Variants in OPN5 observed in about 807,000 individuals in gnomAD.
OPN5 encodes opsin-5.
Under a neutral mutation model 41.7 loss-of-function variants are expected in OPN5, and 18 were observed. The ratio of observed to expected loss-of-function variants is 0.43; its 90% CI spans 0.30 to 0.64. The LOEUF is 0.64. OPN5 is among the 30% of genes least tolerant of loss of function. OPN5 has a pLI of 0.13. For missense variants in OPN5, 318 were observed against 434.5 expected (o/e 0.73, Z 2.38); for synonymous variants, 178 against 164.3 (o/e 1.08, Z -0.64).
chr6:47,803,982 G>A (rs967649941), intron 4 of OPN5, among the ~76,000 whole-genome samples: 2 of 152,182 alleles, frequency 1.3e-5, no homozygotes, highest in African/African-American at 2.4e-5. Flanking sequence ...AGATGTATTA[G>A]ACCCAGAGGC....
chr6:47,824,095 A>G, exon 7 of OPN5: 1 of 859,652 alleles, frequency 1.2e-6, no homozygotes, highest in Non-Finnish European at 1.9e-6. Flanking sequence ...TCTCGCCTCC[A>G]CTCCACTTAC....
At chr6:47,782,507 T>A (rs532393403) in intron 1 of OPN5, among the ~76,000 whole-genome samples, 245 of 152,326 alleles carry the variant, frequency 1.6e-3, no homozygotes, top group African/African-American at 5.3e-3. Context: ...TTAATGATAA[T>A]GATATTTTAT....
At chr6:47,823,013 A>C (rs1762681141) in intron 6 of OPN5, among the ~76,000 whole-genome samples, 1 of 152,152 alleles carries the variant, frequency 6.6e-6, no homozygotes. Context: ...AATAGCATAA[A>C]ATCCTGCTGT....
chr6:47,819,990 C>T (rs970581999), intron 6 of OPN5, among the ~76,000 whole-genome samples: 4 of 152,126 alleles, frequency 2.6e-5, no homozygotes, highest in Admixed American at 6.5e-5. Context: ...ATACTACAGC[C>T]CTCTGGCCAA....
Position 47,797,328 on chromosome 6 carries a change from C to G in OPN5, c.756+1765C>G, listed in dbSNP as rs372731668. 8.8e-4 allele frequency among the ~76,000 whole-genome samples: 134 copies of G among 152,288 alleles called. 3 individuals carry two copies. In the South Asian group the frequency reaches 0.025, roughly 29 times the overall value. On this transcript the variant is annotated intron_variant, in intron 4 of 6. Transcript: ENST00000371211. ...CAGTTCTTGGACAAAAATGCAGACT[C>G]AGGAAGCATGAACTTCTTCTGTCTT...
chr6:47,809,596 A>G (rs1025922253), intron 5 of OPN5, among the ~76,000 whole-genome samples: 20 of 152,222 alleles, frequency 1.3e-4, no homozygotes, highest in African/African-American at 4.6e-4. Flanking sequence ...AATTAACTAC[A>G]TAGAGCCTAG....
At chr6:47,805,562 G>A (rs565516038) in intron 4 of OPN5, among the ~76,000 whole-genome samples, 7 of 152,050 alleles carry the variant, frequency 4.6e-5, no homozygotes, top group African/African-American at 1.4e-4. Flanking sequence ...CCACAGAGGC[G>A]GGTTCCTAGG....
chr6:47,785,211 T>C (rs1773165878), intron 1 of OPN5, among the ~76,000 whole-genome samples: 1 of 152,360 alleles, frequency 6.6e-6, no homozygotes, highest in Non-Finnish European at 1.5e-5. Context: ...AAGTTTATAC[T>C]TTTTCAAGCC....
chr6:47,825,744 T>G (rs939179089), downstream of OPN5: 1 of 152,108 alleles, frequency 6.6e-6, no homozygotes. Context: ...TATTCCCCTA[T>G]TTTTTCTGTA....
At chr6:47,786,410 C>A in intron 1 of OPN5, 105 bp from the exon 2 acceptor site, 1 of 839,910 alleles carries the variant, frequency 1.2e-6, no homozygotes, top group Non-Finnish European at 1.9e-6. Context: ...CCTCTCACTA[C>A]CCTCTAAATC....
exon 1 of OPN5, chr6:47,782,053 G>T: frequency 6.2e-7 from 1 of 1,611,420 alleles, no homozygotes; most frequent in African/African-American, 1.3e-5. Flanking sequence ...GATCCCTCGT[G>T]GTTCGAGAAC....
chr6:47,784,331 C>G (rs1773147890), intron 1 of OPN5, among the ~76,000 whole-genome samples: 1 of 151,230 alleles, frequency 6.6e-6, no homozygotes, highest in African/African-American at 2.4e-5. Flanking sequence ...GAGTCTCACT[C>G]TGTCACCCAG....
chr6:47,782,196 G>A, exon 1 of OPN5: 1 of 1,612,678 alleles, frequency 6.2e-7, no homozygotes, highest in Non-Finnish European at 8.5e-7. Flanking sequence ...AACAATAATT[G>A]GTAAGCTTCC....
intron 1 of OPN5, among the ~76,000 whole-genome samples, chr6:47,784,633 G>A (rs1345825268): frequency 6.6e-6 from 1 of 152,094 alleles, no homozygotes; most frequent in African/African-American, 2.4e-5. Flanking sequence ...TAAGGAGCCA[G>A]AGTGGAATAA....
chr6:47,786,757 C>A, intron 2 of OPN5, 123 bp downstream of exon 2: 2 of 836,678 alleles, frequency 2.4e-6, no homozygotes, highest in Non-Finnish European at 1.8e-6. Flanking sequence ...CTCTTCGCTT[C>A]ACAAATCAAC....
chr6:47,792,861 C>A (rs1179878918), intron 3 of OPN5, among the ~76,000 whole-genome samples: 1 of 148,596 alleles, frequency 6.7e-6, no homozygotes, highest in Non-Finnish European at 1.5e-5. Context: ...CTGACACTGT[C>A]AATGTGGTAG....
At chr6:47,813,615 C>T (rs926479438) in intron 6 of OPN5, among the ~76,000 whole-genome samples, 2 of 151,988 alleles carry the variant, frequency 1.3e-5, no homozygotes, top group Non-Finnish European at 2.9e-5. Flanking sequence ...GAAGAAAGAC[C>T]AGTCTGGTGG....
At chr6:47,812,714 A>G (rs1581754868) in intron 6 of OPN5, among the ~76,000 whole-genome samples, 2 of 152,238 alleles carry the variant, frequency 1.3e-5, no homozygotes, top group East Asian at 1.9e-4. Flanking sequence ...TTTTAATTCA[A>G]TGACTAGACA....
intron 2 of OPN5, chr6:47,787,071 T>G: frequency 2.0e-6 from 2 of 986,424 alleles, no homozygotes; most frequent in Non-Finnish European, 2.4e-6. Flanking sequence ...TGAAGACAGT[T>G]GAAGGCAGTT....
Sources: allele counts gnomAD v4.1 joint callset (sites outside exome capture counted in the v4.1 genomes callset), GRCh38; gene constraint gnomAD v4.1.1; transcripts MANE v1.5; gene names NCBI Gene and HGNC (gene_info 2026-07-23, HGNC 2026-07-21).